GPC6: variants seen among roughly 807,000 people sequenced by gnomAD.
GPC6 encodes the protein glypican-6.
Under a neutral mutation model 55.2 loss-of-function variants are expected in GPC6, and 14 were observed. The ratio of observed to expected loss-of-function variants is 0.25; its 90% confidence interval spans 0.17 to 0.40. The LOEUF (loss-of-function observed/expected upper bound fraction) is 0.40, where lower values mean the gene tolerates loss of function less well. GPC6 is among the 10% of genes least tolerant of loss of function. The probability of loss-of-function intolerance (pLI) is 1.00; values close to 1 mark genes in which losing one functional copy is unlikely to be tolerated. For missense variants in GPC6, 641 were observed against 708.5 expected (o/e 0.90, Z 1.08); for synonymous variants, 278 against 259.6 (o/e 1.07, Z -0.68).
At chr13:93,310,399 G>A (rs932291279) in intron 1 of GPC6, among the ~76,000 whole-genome samples, 3 of 152,284 alleles carry the variant, frequency 2.0e-5, no homozygotes, top group Non-Finnish European at 4.4e-5. Flanking sequence ...GCCTCTGCCA[G>A]GTCCATCTCC....
At chr13:93,383,708 C>T (rs553551008) in intron 1 of GPC6, among the ~76,000 whole-genome samples, 1 of 151,328 alleles carries the variant, frequency 6.6e-6, no homozygotes, top group Admixed American at 6.6e-5. Context: ...GTTTTATGAC[C>T]CTTAGGTATT....
chr13:93,765,278 T>TTTCCAGATAAGCTGTCTGGAAAGACAAC lies in GPC6; in HGVS notation c.320-64873_320-64846dup, dbSNP rs1264734341. Among the ~76,000 whole-genome samples, 573 of 112,832 alleles carry TTTCCAGATAAGCTGTCTGGAAAGACAAC rather than the reference T, an allele frequency of 5.1e-3. 29 individuals are homozygous for TTTCCAGATAAGCTGTCTGGAAAGACAAC. The highest frequency in any genetic ancestry group is 8.5e-3 in the East Asian group (30 of 3,544). 74.0% of individuals were successfully genotyped at this position (112,832 alleles called of 152,430 possible). ...CAGATAAGCTGTCTGGAAAGACAAC[T>TTTCCAGATAAGCTGTCTGGAAAGACAAC]TTCCAGATAAGCTGTCTGGAAAGAC... On this transcript the variant is annotated intron_variant, in intron 2 of 8. Coordinates refer to ENST00000377047, the MANE Select transcript of GPC6 (RefSeq NM_005708.5).
intron 7 of GPC6, among the ~76,000 whole-genome samples, chr13:94,387,131 G>A (rs1209361690): frequency 6.6e-6 from 1 of 152,144 alleles, no homozygotes; most frequent in African/African-American, 2.4e-5. Flanking sequence ...GGTGCAATCT[G>A]CAGTGTTGAG....
intron 2 of GPC6, among the ~76,000 whole-genome samples, chr13:93,566,419 A>G (rs1876122516): frequency 6.6e-6 from 1 of 150,382 alleles, no homozygotes; most frequent in Non-Finnish European, 1.5e-5. Context: ...TAACACTTTT[A>G]GAAAGTAATT....
intron 5 of GPC6, among the ~76,000 whole-genome samples, chr13:94,292,637 CTT>C (rs1454350672): frequency 2.0e-5 from 3 of 151,938 alleles, no homozygotes; most frequent in African/African-American, 7.3e-5. Flanking sequence ...ATGTATCTCT[CTT>C]ATGTATATGA....
At chr13:93,236,214 A>G (rs570415492) in intron 1 of GPC6, among the ~76,000 whole-genome samples, 9 of 152,212 alleles carry the variant, frequency 5.9e-5, no homozygotes, top group Non-Finnish European at 5.9e-5. Context: ...GCTAATCTTC[A>G]TTATCCTTTT....
chr13:93,329,330 C>T (rs1271107450), intron 1 of GPC6, among the ~76,000 whole-genome samples: 2 of 152,014 alleles, frequency 1.3e-5, no homozygotes, highest in Admixed American at 6.6e-5. Flanking sequence ...CCAGTGAACC[C>T]GTCACTATTG....
chr13:93,795,428 CCA>C (rs1307271074), intron 2 of GPC6, among the ~76,000 whole-genome samples: 1 of 152,144 alleles, frequency 6.6e-6, no homozygotes, highest in Non-Finnish European at 1.5e-5. Flanking sequence ...CAGCCCAGTT[CCA>C]GAGTCCCTCG....
intron 4 of GPC6, among the ~76,000 whole-genome samples, chr13:94,122,652 C>G (rs1886673909): frequency 6.6e-6 from 1 of 152,098 alleles, no homozygotes; most frequent in Non-Finnish European, 1.5e-5. Flanking sequence ...AAAGTATTCC[C>G]AGGCTAAACT....
At chr13:93,370,832 T>C (rs1881422643) in intron 1 of GPC6, among the ~76,000 whole-genome samples, 1 of 152,180 alleles carries the variant, frequency 6.6e-6, no homozygotes, top group Non-Finnish European at 1.5e-5. Context: ...AGAGGTATCA[T>C]TGCGTTGTAA....
chr13:93,342,704 G>A (rs1404405500), intron 1 of GPC6, among the ~76,000 whole-genome samples: 1 of 152,174 alleles, frequency 6.6e-6, no homozygotes, highest in Middle Eastern at 3.2e-3. Context: ...GAGTGGATTT[G>A]AGATACGTGT....
chr13:93,343,674 C>G (rs1436639565), intron 1 of GPC6, among the ~76,000 whole-genome samples: 1 of 152,188 alleles, frequency 6.6e-6, no homozygotes, highest in Non-Finnish European at 1.5e-5. Flanking sequence ...TCTACAATAT[C>G]TCCTATAGAA....
intron 6 of GPC6, among the ~76,000 whole-genome samples, chr13:94,374,554 C>T (rs1213989514): frequency 2.1e-5 from 3 of 142,620 alleles, no homozygotes; most frequent in African/African-American, 8.0e-5. Flanking sequence ...CACCAAGATT[C>T]ATAAAGCAAG....
chr13:94,183,966 A>G (rs1197941284), intron 4 of GPC6, among the ~76,000 whole-genome samples: 1 of 152,168 alleles, frequency 6.6e-6, no homozygotes, highest in East Asian at 1.9e-4. Flanking sequence ...AACTCTCTGA[A>G]CATCGACAAG....
intron 6 of GPC6, among the ~76,000 whole-genome samples, chr13:94,316,110 T>A (rs2139123797): frequency 6.6e-6 from 1 of 152,272 alleles, no homozygotes; most frequent in East Asian, 1.9e-4. Flanking sequence ...CAGACCATGC[T>A]CTTGTAAAGA....
chr13:93,632,651 T>C (rs916106228), intron 2 of GPC6, among the ~76,000 whole-genome samples: 2 of 87,132 alleles, frequency 2.3e-5, no homozygotes, highest in Non-Finnish European at 6.3e-5. Context: ...AAATAAAAAC[T>C]GTTTTCCAAA....
intron 2 of GPC6, among the ~76,000 whole-genome samples, chr13:93,640,556 A>G (rs1879869486): frequency 1.3e-5 from 2 of 152,126 alleles, no homozygotes; most frequent in South Asian, 4.1e-4. Context: ...AAAACTGATG[A>G]TATAAAACAG....
chr13:93,451,225 C>G (rs1003494517), intron 1 of GPC6, among the ~76,000 whole-genome samples: 1 of 152,218 alleles, frequency 6.6e-6, no homozygotes, highest in Non-Finnish European at 1.5e-5. Context: ...ATATTACTCA[C>G]AAAATTAAAG....
intron 2 of GPC6, among the ~76,000 whole-genome samples, chr13:93,628,907 A>C (rs1039447543): frequency 7.9e-5 from 12 of 152,112 alleles, no homozygotes; most frequent in African/African-American, 2.7e-4. Flanking sequence ...CTATTGGCAC[A>C]ATTACAAGAA....
Sources: allele counts gnomAD v4.1 joint callset (sites outside exome capture counted in the v4.1 genomes callset), GRCh38; gene constraint gnomAD v4.1.1; transcripts MANE v1.5; gene names NCBI Gene and HGNC (gene_info 2026-07-23, HGNC 2026-07-21).